MYO9B: variants seen among roughly 807,000 people sequenced by gnomAD.
MYO9B encodes myosin IXB.
MYO9B carries 71 observed loss-of-function variants against 229.5 expected under a neutral mutation model. That is an observed-to-expected ratio of 0.31 (90% CI 0.26 to 0.38). MYO9B has a LOEUF of 0.38. MYO9B is among the 10% of genes least tolerant of loss of function. MYO9B has a pLI of 1.00. For synonymous variants in MYO9B, 1,185 were observed against 1,235.8 expected, an observed-to-expected ratio of 0.96 and a Z score of 0.86; for missense variants, 2,255 against 2,920.5, an observed-to-expected ratio of 0.77 and a Z score of 5.25.
At chr19:17,086,557 T>C (rs1029210482) in intron 1 of MYO9B, among the ~76,000 whole-genome samples, 6 of 152,184 alleles carry the variant, frequency 3.9e-5, no homozygotes, top group Non-Finnish European at 7.3e-5. Context: ...CCATTTGCAG[T>C]ATCCCCTCGC....
At chr19:17,112,483 G>A (rs562042883) in intron 2 of MYO9B, among the ~76,000 whole-genome samples, 6 of 152,334 alleles carry the variant, frequency 3.9e-5, no homozygotes, top group Admixed American at 2.6e-4. Context: ...GGGCAGGAGC[G>A]TTTGCACGTG....
intron 29 of MYO9B, 92 bp from the exon 30 acceptor site, chr19:17,203,055 C>A: frequency 7.3e-7 from 1 of 1,367,344 alleles, no homozygotes; most frequent in South Asian, 1.3e-5. Context: ...TTGAATAAGT[C>A]ACCCCTGAGA....
At chr19:17,089,173 C>T (rs939211170) in intron 1 of MYO9B, among the ~76,000 whole-genome samples, 4 of 152,032 alleles carry the variant, frequency 2.6e-5, no homozygotes, top group African/African-American at 9.7e-5. Context: ...CTAAGTCGTC[C>T]TCCCACTCTG....
At position 17,102,374 on chromosome 19, in the gene MYO9B, C is replaced by G. The variant is rs530724844; in HGVS notation, c.657C>G (p.Ala219=). 1 of 1,613,988 alleles carries G rather than the reference C, an allele frequency of 6.2e-7. No homozygotes were observed. Among genetic ancestry groups the G allele is most frequent in the Non-Finnish European group, 8.5e-7 (1 of 1,179,882 alleles). The change falls in exon 2 of 40, where the codon GCC becomes GCG. Residue 219 remains alanine (A), a synonymous_variant. Transcript: ENST00000682292. ...TGGAGCCACACGTCTTCGCGCTGGC[C>G]GACGTGGCCTACTACACCATGCTCA... The part of the protein sequence containing the change: ...GKLEPHVFAL[A]DVAYYTMLRK...
chr19:17,096,899 G>A (rs183563337), intron 1 of MYO9B, among the ~76,000 whole-genome samples: 120 of 115,588 alleles, frequency 1.0e-3, no homozygotes, highest in African/African-American at 4.0e-3. Flanking sequence ...TAGAGATGGG[G>A]TTTCACCATG....
Position 17,175,936 on chromosome 19 carries a change from G to A in MYO9B, c.2219+195G>A, listed in dbSNP as rs570248221. On this transcript the variant is annotated intron_variant, in intron 14 of 39. Transcript: ENST00000682292. ...CAACTTCCACCTCCCGGGTTCAAGC[G>A]ATTCTCCTGCCTCAGCCTCCCGAGT... 3.3e-4 allele frequency among the ~76,000 whole-genome samples: 50 copies of A among 150,180 alleles called. No individual in the cohort carries two copies. In the South Asian group the frequency reaches 9.5e-3, roughly 29 times the overall value.
At position 17,185,878 on chromosome 19, in the gene MYO9B, G is replaced by C. The variant is rs772608476; in HGVS notation, c.2497-43G>C. 2.0e-6 allele frequency: 3 copies of C among 1,529,758 alleles called. No individual in the cohort carries two copies. The African/African-American group carries it at 4.1e-5, about 21-fold the overall frequency. 94.8% of individuals were successfully genotyped at this position (1,529,758 alleles called of 1,614,324 possible). A position where few individuals can be genotyped will look rare whatever the true frequency, so the allele number is the denominator to read the frequency against. ...TGCTCCCACAGAACAGCGGCTGTCA[G>C]GGTCCCTGATTCAACCCAAATGCTT... On this transcript the variant is annotated intron_variant, in intron 17 of 39. Transcript: ENST00000682292.
chr19:17,212,298 G>A lies in MYO9B; in HGVS notation c.6462G>A (p.Gln2154=), dbSNP rs1333314932. The part of the protein sequence containing the change: ...PTYCLPPASG[Q]TNG ...ACTGCCTGCCCCCCGCCTCGGGCCAGACCAATGGCTGAGAGCCACAGCTGA... is the reference window on the plus strand; with the variant it reads ...ACTGCCTGCCCCCCGCCTCGGGCCAAACCAATGGCTGAGAGCCACAGCTGA... Residue 2154 remains glutamine, a synonymous_variant, in exon 40 of 40, where the codon CAG becomes CAA. Transcript: ENST00000682292. The surrounding 1 kb of genome is among the most constrained non-coding windows in gnomAD (Gnocchi z 5.4). The A allele has an allele frequency of 4.6e-6, 7 of 1,507,424 alleles. No individual in the cohort carries two copies. In the African/African-American group the frequency reaches 5.6e-5, roughly 12 times the overall value. 93.4% of individuals were successfully genotyped at this position (1,507,424 alleles called of 1,614,324 possible).
At chr19:17,181,873 T>A (rs890854158) in intron 15 of MYO9B, among the ~76,000 whole-genome samples, 2 of 151,958 alleles carry the variant, frequency 1.3e-5, no homozygotes, top group African/African-American at 4.8e-5. Context: ...CCTCCCGGGT[T>A]CAAGCGATTC....
chr19:17,198,166 C>G lies in MYO9B; in HGVS notation c.4114-18C>G, dbSNP rs750533033. The stretch of plus-strand genomic sequence containing the variant: ...TGCCAGCCTTTCCTTAGCAGCCCCC[C>G]ACTGCACCGTCTTGCAGCCTGCAGC... On this transcript the variant is annotated intron_variant, in intron 23 of 39. Coordinates refer to ENST00000682292, the MANE Select transcript of MYO9B (RefSeq NM_004145.4). The G allele has an allele frequency of 1.2e-6, 2 of 1,613,442 alleles. No individual in the cohort carries two copies. The highest frequency in any genetic ancestry group is 2.2e-5 in the East Asian group (1 of 44,858).
intron 36 of MYO9B, 49 bp from the exon 37 acceptor site, chr19:17,210,284 T>A: frequency 6.6e-7 from 1 of 1,525,654 alleles, no homozygotes; most frequent in Non-Finnish European, 8.8e-7. Context: ...AGCTCATGCC[T>A]GTGTCTGTCT....
intron 30 of MYO9B, 36 bp from the exon 31 acceptor site, chr19:17,205,227 G>A: frequency 1.3e-6 from 2 of 1,597,724 alleles, no homozygotes; most frequent in Non-Finnish European, 1.7e-6. Context: ...GGGGTCCCCA[G>A]CACCCTCTGT....
intron 13 of MYO9B, among the ~76,000 whole-genome samples, chr19:17,174,942 AAAT>A (rs1467321089): frequency 3.1e-5 from 3 of 96,210 alleles, no homozygotes; most frequent in African/African-American, 8.7e-5. Context: ...TCAAAAAAAT[AAAT>A]AAATAAATAA....
chr19:17,084,841 G>A (rs2057567768), intron 1 of MYO9B, among the ~76,000 whole-genome samples: 1 of 152,002 alleles, frequency 6.6e-6, no homozygotes, highest in African/African-American at 2.4e-5. Context: ...GGAGGTGGAG[G>A]TTGCAGTGAG....
intron 1 of MYO9B, among the ~76,000 whole-genome samples, chr19:17,086,123 TA>T (rs1297674801): frequency 6.6e-6 from 1 of 152,200 alleles, no homozygotes; most frequent in African/African-American, 2.4e-5. Flanking sequence ...GACATTTTCT[TA>T]ATGTCCCTCT....
intron 2 of MYO9B, among the ~76,000 whole-genome samples, chr19:17,122,316 A>C (rs2057973501): frequency 6.6e-6 from 1 of 152,050 alleles, no homozygotes; most frequent in Non-Finnish European, 1.5e-5. Context: ...AGGGGGGCAG[A>C]TCACCTGAGG....
chr19:17,079,162 T>C (rs1456036616), intron 1 of MYO9B, among the ~76,000 whole-genome samples: 1 of 152,154 alleles, frequency 6.6e-6, no homozygotes, highest in Admixed American at 6.5e-5. Context: ...TGATGCTCAT[T>C]AGTAAAACCT....
At chr19:17,179,686 G>A (rs895094457) in intron 14 of MYO9B, among the ~76,000 whole-genome samples, 6 of 151,566 alleles carry the variant, frequency 4.0e-5, no homozygotes, top group African/African-American at 4.8e-5. Context: ...CTCAGCCTCC[G>A]AAAGTGCTGG....
chr19:17,156,836 C>T (rs755443962), intron 6 of MYO9B, 73 bp from the exon 7 acceptor site: 51 of 1,516,470 alleles, frequency 3.4e-5, no homozygotes, highest in Middle Eastern at 2.0e-4. Flanking sequence ...GGATTCAGCC[C>T]GGTTCCCTGG....
Sources: gnomAD v4.1 joint callset for allele counts (sites outside exome capture counted in the v4.1 genomes callset) on GRCh38, gnomAD v4.1.1 for gene constraint, Gnocchi (gnomAD v3.1) non-coding constraint, MANE v1.5 for transcripts, NCBI Gene and HGNC (gene_info 2026-07-23, HGNC 2026-07-21) for gene names.